Variants in ANXA8 observed in about 807,000 individuals in gnomAD.
The protein encoded by ANXA8 is annexin A8, also known as VAC-beta.
ANXA8 carries 9 observed loss-of-function variants against 26.8 expected under a neutral mutation model. That is an observed-to-expected ratio of 0.34 (90% CI 0.20 to 0.59). The LOEUF is 0.59. ANXA8 is among the 20% of genes least tolerant of loss of function. The pLI is 0.84. For synonymous variants in ANXA8, 39 were observed against 94.8 expected (o/e 0.41, Z 3.42); for missense variants, 83 against 238.5 (o/e 0.35, Z 4.29).
At chr10:47,588,308 C>T in the ANXA8 span, among the ~76,000 whole-genome samples, 1 of 110,256 alleles carries the variant, frequency 9.1e-6, no homozygotes, top group Admixed American at 8.8e-5. Context: ...TGATCACTCA[C>T]TGGTCAGCGG....
chr10:47,482,103 G>A lies in ANXA8; in HGVS notation c.21+1810C>T, dbSNP rs1192005451. ...CCTGCAGACAGATCTCTCTCCAGTG[G>A]CTCCCTCATCTCCTCCCATCGCGTT... On this transcript the variant is annotated intron_variant, in intron 1 of 11. Transcript: ENST00000585281. Among the ~76,000 whole-genome samples, 10 of 138,386 alleles carry A rather than the reference G, an allele frequency of 7.2e-5. 3 individuals are homozygous for A. The highest frequency in any genetic ancestry group is 1.5e-4 in the Non-Finnish European group (10 of 64,580). 90.8% of individuals were successfully genotyped at this position (138,386 alleles called of 152,430 possible).
the ANXA8 span, chr10:47,590,034 C>A: frequency 3.4e-5 from 5 of 146,082 alleles, no homozygotes; most frequent in Non-Finnish European, 5.9e-5. Flanking sequence ...ACCCCATTCC[C>A]CCCTGACAGG....
chr10:47,596,762 A>G, the ANXA8 span, among the ~76,000 whole-genome samples: 1 of 148,190 alleles, frequency 6.7e-6, no homozygotes, highest in Non-Finnish European at 1.5e-5. Context: ...AATGAATTAC[A>G]GAATGAATTG....
the ANXA8 span, among the ~76,000 whole-genome samples, chr10:47,518,689 C>T: frequency 7.9e-6 from 1 of 126,748 alleles, no homozygotes; most frequent in Non-Finnish European, 1.6e-5. Context: ...GCTGGGATTA[C>T]AGGTGTAAGC....
chr10:47,982,211 G>A, the ANXA8 span, among the ~76,000 whole-genome samples: 1 of 149,846 alleles, frequency 6.7e-6, no homozygotes, highest in East Asian at 2.0e-4. Context: ...GATCACTTGA[G>A]CCCAAGAGGT....
the ANXA8 span, among the ~76,000 whole-genome samples, chr10:47,762,264 C>T: frequency 6.6e-6 from 1 of 151,978 alleles, no homozygotes; most frequent in Admixed American, 6.6e-5. Context: ...CTGGCCCTCA[C>T]ACGTCCGCAT....
chr10:47,527,605 G>A, the ANXA8 span, among the ~76,000 whole-genome samples: 1 of 145,708 alleles, frequency 6.9e-6, no homozygotes, highest in African/African-American at 2.6e-5. Context: ...ATTTTGCCAG[G>A]AAGGCAGGAA....
the ANXA8 span, among the ~76,000 whole-genome samples, chr10:47,576,616 T>C: frequency 6.6e-6 from 1 of 151,544 alleles, no homozygotes; most frequent in Admixed American, 6.6e-5. Context: ...GCACCAGCTA[T>C]AGTCAGCCTC....
At chr10:47,951,901 G>A in the ANXA8 span, among the ~76,000 whole-genome samples, 1 of 149,752 alleles carries the variant, frequency 6.7e-6, no homozygotes. Context: ...TATGTAGAGG[G>A]TAATACACTA....
the ANXA8 span, among the ~76,000 whole-genome samples, chr10:47,495,319 C>T: frequency 1.4e-5 from 2 of 143,818 alleles, no homozygotes; most frequent in African/African-American, 5.1e-5. Context: ...GAGTTTTGCT[C>T]TTGTTACCCA....
At chr10:47,560,992 AC>A in the ANXA8 span, among the ~76,000 whole-genome samples, 1 of 151,270 alleles carries the variant, frequency 6.6e-6, no homozygotes, top group Non-Finnish European at 1.5e-5. Flanking sequence ...TTTTTAAGAT[AC>A]AAAGGATTCA....
chr10:47,577,224 CAA>C, the ANXA8 span, among the ~76,000 whole-genome samples: 80,258 of 110,628 alleles, frequency 0.73, 28,289 homozygotes, highest in Non-Finnish European at 0.81. Flanking sequence ...GACTCCATCT[CAA>C]AAAAAAAAAA....
the ANXA8 span, among the ~76,000 whole-genome samples, chr10:47,959,209 G>T: frequency 6.8e-6 from 1 of 146,846 alleles, no homozygotes; most frequent in Admixed American, 6.7e-5. Flanking sequence ...AGGAGGCCTA[G>T]GGAGTTCCAG....
At chr10:47,639,325 T>TATG in the ANXA8 span, among the ~76,000 whole-genome samples, 1 of 129,188 alleles carries the variant, frequency 7.7e-6, no homozygotes, top group Non-Finnish European at 1.6e-5. Flanking sequence ...TTTTTTTTTT[T>TATG]TTTTTGAGAC....
At chr10:47,950,653 A>AGAATTT in the ANXA8 span, among the ~76,000 whole-genome samples, 1 of 150,694 alleles carries the variant, frequency 6.6e-6, no homozygotes, top group East Asian at 2.0e-4. Context: ...CAGTGGAACT[A>AGAATTT]AAATAGAAGT....
At chr10:47,710,241 G>A in the ANXA8 span, 30 of 1,513,412 alleles carry the variant, frequency 2.0e-5, 1 homozygote, top group Middle Eastern at 1.8e-4. Context: ...AGTTAGTGAC[G>A]TTGTACTTCA....
chr10:47,593,226 G>A, the ANXA8 span, among the ~76,000 whole-genome samples: 1 of 148,652 alleles, frequency 6.7e-6, no homozygotes, highest in African/African-American at 2.6e-5. Context: ...TGTGTCCCTA[G>A]AGATGTAATC....
chr10:47,666,917 A>G, the ANXA8 span, among the ~76,000 whole-genome samples: 8 of 152,044 alleles, frequency 5.3e-5, 1 homozygote, highest in African/African-American at 1.9e-4. Context: ...AGGTTAGAAC[A>G]TAAATTATTT....
the ANXA8 span, among the ~76,000 whole-genome samples, chr10:47,733,191 T>TTCTTTCTTTCTCTCTCTCTCTCTCTC: frequency 1.7e-4 from 18 of 106,536 alleles, no homozygotes; most frequent in Admixed American, 8.5e-4. Flanking sequence ...CTTTCTTTCT[T>TTCTTTCTTTCTCTCTCTCTCTCTCTC]TCTTTCTTTC....
Sources: gnomAD v4.1 joint callset for allele counts (sites outside exome capture counted in the v4.1 genomes callset) on GRCh38, gnomAD v4.1.1 for gene constraint, MANE v1.5 for transcripts, NCBI Gene and HGNC (gene_info 2026-07-23, HGNC 2026-07-21) for gene names.